Variants in GSDME observed in about 807,000 individuals in gnomAD.
GSDME encodes gasdermin-E.
Under a neutral mutation model 47.5 loss-of-function variants are expected in GSDME, and 44 were observed. That is an observed-to-expected ratio of 0.93 (90% confidence interval 0.73 to 1.19). The LOEUF is 1.19. Ranked by LOEUF, GSDME falls within the 50% of genes most tolerant of loss-of-function variation. GSDME has a pLI of 0.00. For synonymous variants in GSDME, 258 were observed against 252.8 expected (o/e 1.02, Z -0.20); for missense variants, 663 against 604.2 (o/e 1.10, Z -1.02).
intron 3 of GSDME, among the ~76,000 whole-genome samples, chr7:24,723,322 G>A (rs1297171836): frequency 6.6e-6 from 1 of 152,004 alleles, no homozygotes; most frequent in Non-Finnish European, 1.5e-5. Context: ...GCAGCCCCAG[G>A]GGGAGAGCTG....
rs1791011911 is a variant in GSDME, at chr7:24,756,220, A to C, written c.-20+1176T>G. 6.6e-6 allele frequency among the ~76,000 whole-genome samples: 1 copy of C among 152,188 alleles called. No homozygotes were observed. Among genetic ancestry groups the C allele is most frequent in the South Asian group, 2.1e-4 (1 of 4,834 alleles). ...AGGGCAGTCTGGGTAAGAATAGAGA[A>C]GATGCGGTGTGGTGGCAGGCACCTG... On this transcript the variant is annotated intron_variant, in intron 1 of 9. Coordinates refer to ENST00000645220, the MANE Select transcript of GSDME (RefSeq NM_001127453.2). The surrounding 1 kb of genome is among the most constrained non-coding windows in gnomAD (Gnocchi z 4.2).
At position 24,716,877 on chromosome 7, in the gene GSDME, C is replaced by T. The variant is rs1789577444; in HGVS notation, c.697+377G>A. On this transcript the variant is annotated intron_variant, in intron 5 of 9. Coordinates refer to ENST00000645220, the MANE Select transcript of GSDME (RefSeq NM_001127453.2). The surrounding 1 kb of genome is among the most constrained non-coding windows in gnomAD (Gnocchi z 4.5). The stretch of plus-strand genomic sequence containing the variant: ...TTCCAGAGACAGGGAAGCCAAGACT[C>T]AGCAAGATTCAGCAACTTGCCTGAG... The T allele has an allele frequency of 3.1e-6, 1 of 318,032 alleles. No individual in the cohort carries two copies. Among genetic ancestry groups the T allele is most frequent in the South Asian group, 3.1e-5 (1 of 31,890 alleles). 19.7% of individuals were successfully genotyped at this position (318,032 alleles called of 1,614,324 possible). A position where few individuals can be genotyped will look rare whatever the true frequency, so the allele number is the denominator to read the frequency against.
chr7:24,719,725 G>A (rs1313033490), intron 3 of GSDME, among the ~76,000 whole-genome samples: 6 of 151,952 alleles, frequency 3.9e-5, no homozygotes, highest in Admixed American at 6.6e-5. Context: ...CCTGGGAGGC[G>A]GAATTTGCAA....
the GSDME span, among the ~76,000 whole-genome samples, chr7:24,787,144 CA>C: frequency 4.6e-5 from 7 of 152,278 alleles, no homozygotes; most frequent in Non-Finnish European, 7.4e-5. The surrounding 1 kb of genome is among the most constrained non-coding windows in gnomAD (Gnocchi z 5.0). Flanking sequence ...TGTGACACAT[CA>C]AAAATTTCAT....
At chr7:24,761,327 T>C (rs996168568), upstream of GSDME, among the ~76,000 whole-genome samples, 2 of 152,230 alleles carry the variant, frequency 1.3e-5, no homozygotes, top group Non-Finnish European at 2.9e-5. The surrounding 1 kb of genome is among the most constrained non-coding windows in gnomAD (Gnocchi z 4.4). Flanking sequence ...ACTTTATTTC[T>C]CACAGTTCTG....
At chr7:24,722,066 C>T (rs1789810432) in intron 3 of GSDME, among the ~76,000 whole-genome samples, 3 of 152,208 alleles carry the variant, frequency 2.0e-5, no homozygotes, top group Admixed American at 1.3e-4. Context: ...CTGCTCATGG[C>T]CTGCCTCCTC....
Position 24,716,411 on chromosome 7 carries a change from T to G in GSDME, c.697+843A>C, listed in dbSNP as rs1480218210. On this transcript the variant is annotated intron_variant, in intron 5 of 9. Transcript: ENST00000645220. This position sits in a 1 kb window ranked among gnomAD's most constrained non-coding sequence, Gnocchi z 4.5. ...GTACATCTCTCAAAGATAGGATGAC[T>G]CATTTTTATAAATATAACTATAATA... 1 of 152,276 alleles carries G rather than the reference T, an allele frequency of 6.6e-6. No individual in the cohort carries two copies. The highest frequency in any genetic ancestry group is 2.4e-5 in the African/African-American group (1 of 41,460). The allele number at this position is 152,276 out of a possible 1,614,324, so 9.4% of individuals were successfully genotyped here. A position where few individuals can be genotyped will look rare whatever the true frequency, so the allele number is the denominator to read the frequency against.
At chr7:24,761,723 T>G (rs951666494), upstream of GSDME, among the ~76,000 whole-genome samples, 18 of 152,124 alleles carry the variant, frequency 1.2e-4, no homozygotes, top group Non-Finnish European at 4.4e-5. This position sits in a 1 kb window ranked among gnomAD's most constrained non-coding sequence, Gnocchi z 4.4. Context: ...TCATGGTGGT[T>G]TTTGGGAAGT....
intron 3 of GSDME, among the ~76,000 whole-genome samples, chr7:24,741,365 A>C (rs1422232764): frequency 6.6e-6 from 1 of 152,130 alleles, no homozygotes; most frequent in Admixed American, 6.5e-5. Context: ...AGACTCAATA[A>C]ATTTGTTATT....
Position 24,710,389 on chromosome 7 carries a change from CTG to C in GSDME, c.698-3_698-2del. 6.2e-7 allele frequency: 1 copy of C among 1,614,176 alleles called. No individual in the cohort carries two copies. The highest frequency in any genetic ancestry group is 8.5e-7 in the Non-Finnish European group (1 of 1,180,016). ...TGCTTCCCTCGGAGAAGGCAGAACT[CTG>C]TAGTGCAGGAGAAAAGGACAAGTTA... On this transcript the variant is annotated splice_acceptor_variant and splice_polypyrimidine_tract_variant and intron_variant, in intron 5 of 9. Transcript: ENST00000645220. LOFTEE classifies it high-confidence loss of function.
chr7:24,750,759 A>C (rs1790833185), intron 1 of GSDME, among the ~76,000 whole-genome samples: 1 of 152,230 alleles, frequency 6.6e-6, no homozygotes, highest in African/African-American at 2.4e-5. Flanking sequence ...ATGAAAAGTA[A>C]GTAGCTATGG....
At chr7:24,718,218 A>AC (rs1789641934) in intron 4 of GSDME, among the ~76,000 whole-genome samples, 1 of 152,204 alleles carries the variant, frequency 6.6e-6, no homozygotes, top group African/African-American at 2.4e-5. Context: ...CCAGACCTCT[A>AC]CCTCCAGCTC....
the GSDME span, among the ~76,000 whole-genome samples, chr7:24,766,962 T>A: frequency 6.6e-6 from 1 of 152,186 alleles, no homozygotes; most frequent in South Asian, 2.1e-4. This position sits in a 1 kb window ranked among gnomAD's most constrained non-coding sequence, Gnocchi z 4.2. Flanking sequence ...CTCTCCAGCA[T>A]CTGTTGTTTC....
chr7:24,706,744 C>T (rs1029307398), intron 7 of GSDME, among the ~76,000 whole-genome samples: 2 of 152,240 alleles, frequency 1.3e-5, no homozygotes, highest in Non-Finnish European at 2.9e-5. Flanking sequence ...CTAGGCGCTC[C>T]AGCCCCCGGC....
the GSDME span, among the ~76,000 whole-genome samples, chr7:24,763,302 A>G: frequency 6.6e-6 from 1 of 151,916 alleles, no homozygotes; most frequent in East Asian, 1.9e-4. This position sits in a 1 kb window ranked among gnomAD's most constrained non-coding sequence, Gnocchi z 4.3. Context: ...TTTTCTTTCC[A>G]TATTGAGAAC....
chr7:24,781,134 C>A, the GSDME span, among the ~76,000 whole-genome samples: 2 of 152,178 alleles, frequency 1.3e-5, no homozygotes, highest in African/African-American at 4.8e-5. Flanking sequence ...CCTCTCTGGT[C>A]CCTTTCCAAG....
chr7:24,773,249 G>A, the GSDME span, among the ~76,000 whole-genome samples: 1 of 152,102 alleles, frequency 6.6e-6, no homozygotes, highest in Non-Finnish European at 1.5e-5. This position sits in a 1 kb window ranked among gnomAD's most constrained non-coding sequence, Gnocchi z 5.4. Context: ...TTCAGTGTTT[G>A]CTCTTACATG....
chr7:24,713,606 G>A (rs1043211195), intron 5 of GSDME, among the ~76,000 whole-genome samples: 4 of 152,258 alleles, frequency 2.6e-5, no homozygotes, highest in East Asian at 1.9e-4. Flanking sequence ...GTGAGATCAC[G>A]GGGCAAGTGG....
At position 24,706,000 on chromosome 7, in the gene GSDME, A is replaced by T. The variant is rs575388784; in HGVS notation, c.1183+184T>A. On this transcript the variant is annotated intron_variant, in intron 8 of 9. Coordinates refer to ENST00000645220, the MANE Select transcript of GSDME (RefSeq NM_001127453.2). This position sits in a 1 kb window ranked among gnomAD's most constrained non-coding sequence, Gnocchi z 4.1. ...GCTTGTGCTGGATGGAAAGGCACAG[A>T]CTCGAGACCGAAGGGGGGTTTCCCA... The T allele has an allele frequency of 0.058, 42,144 of 727,690 alleles. 1,552 individuals are homozygous for T. The highest frequency in any genetic ancestry group is 0.12 in the African/African-American group (7,000 of 57,654). 45.1% of individuals were successfully genotyped at this position (727,690 alleles called of 1,614,324 possible). A position where few individuals can be genotyped will look rare whatever the true frequency, so the allele number is the denominator to read the frequency against.
Sources: allele counts gnomAD v4.1 joint callset (sites outside exome capture counted in the v4.1 genomes callset), GRCh38; gene constraint gnomAD v4.1.1; non-coding constraint Gnocchi (gnomAD v3.1); transcripts MANE v1.5; gene names NCBI Gene and HGNC (gene_info 2026-07-23, HGNC 2026-07-21).